Variants in ARHGAP15 observed in about 807,000 individuals in gnomAD.
ARHGAP15 encodes the protein rho GTPase-activating protein 15.
Under a neutral mutation model 63.7 loss-of-function variants are expected in ARHGAP15, and 51 were observed. The ratio of observed to expected loss-of-function variants is 0.80; its 90% CI spans 0.64 to 1.01. The LOEUF (loss-of-function observed/expected upper bound fraction) is 1.01. ARHGAP15 is among the 50% of genes least tolerant of loss of function. ARHGAP15 has a pLI of 0.00. For missense variants in ARHGAP15, 560 were observed against 564.6 expected, an observed-to-expected ratio of 0.99 and a Z score of 0.08; for synonymous variants, 191 against 193.8, an observed-to-expected ratio of 0.99 and a Z score of 0.12.
At chr2:143,253,364 A>G (rs917635801) in intron 6 of ARHGAP15, among the ~76,000 whole-genome samples, 2 of 152,068 alleles carry the variant, frequency 1.3e-5, no homozygotes, top group Admixed American at 6.6e-5. Flanking sequence ...CCAAAAATGG[A>G]CAGATTTCAT....
intron 2 of ARHGAP15, among the ~76,000 whole-genome samples, chr2:143,197,710 GCT>G (rs1367491003): frequency 1.3e-5 from 2 of 151,904 alleles, no homozygotes; most frequent in Non-Finnish European, 2.9e-5. Flanking sequence ...GGTGATGAAA[GCT>G]CTCTTTTTTC....
At chr2:143,539,316 T>G (rs995460894) in intron 10 of ARHGAP15, among the ~76,000 whole-genome samples, 6 of 150,834 alleles carry the variant, frequency 4.0e-5, no homozygotes, top group South Asian at 2.1e-4. Flanking sequence ...TTTGTTGATC[T>G]TTTCAAAAAA....
chr2:143,395,334 A>T (rs1395993931), intron 6 of ARHGAP15, among the ~76,000 whole-genome samples: 2 of 152,134 alleles, frequency 1.3e-5, no homozygotes, highest in African/African-American at 4.8e-5. Flanking sequence ...GAAATGTTCC[A>T]GCCCCTCTTA....
chr2:143,675,946 C>T (rs917694078), intron 12 of ARHGAP15, among the ~76,000 whole-genome samples: 3 of 152,160 alleles, frequency 2.0e-5, no homozygotes, highest in Non-Finnish European at 2.9e-5. Context: ...TAACATAACA[C>T]GTTTCATCTC....
intron 6 of ARHGAP15, among the ~76,000 whole-genome samples, chr2:143,338,029 A>G (rs1425713519): frequency 2.6e-5 from 4 of 152,176 alleles, no homozygotes; most frequent in Admixed American, 6.5e-5. Context: ...ACAATAATAA[A>G]CACTTACTGA....
chr2:143,460,846 C>T (rs953540309), intron 8 of ARHGAP15, among the ~76,000 whole-genome samples: 1 of 152,114 alleles, frequency 6.6e-6, no homozygotes, highest in East Asian at 1.9e-4. Flanking sequence ...CTTCCAGGGG[C>T]AGTTTCACCA....
intron 6 of ARHGAP15, among the ~76,000 whole-genome samples, chr2:143,354,652 T>C (rs1685729762): frequency 6.6e-6 from 1 of 152,096 alleles, no homozygotes; most frequent in African/African-American, 2.4e-5. Flanking sequence ...TTATTTAAAT[T>C]AGGAGGTGTT....
intron 8 of ARHGAP15, among the ~76,000 whole-genome samples, chr2:143,459,940 T>C (rs1690858008): frequency 6.6e-6 from 1 of 152,150 alleles, no homozygotes. Flanking sequence ...ACTTGTTTGA[T>C]ATGAAGTATT....
intron 6 of ARHGAP15, among the ~76,000 whole-genome samples, chr2:143,432,564 T>A (rs1463580082): frequency 1.3e-5 from 2 of 152,054 alleles, no homozygotes; most frequent in African/African-American, 4.8e-5. Context: ...TAAGCCCACG[T>A]GAAAACTATT....
intron 5 of ARHGAP15, among the ~76,000 whole-genome samples, chr2:143,243,228 C>T (rs1693928358): frequency 6.6e-6 from 1 of 152,072 alleles, no homozygotes; most frequent in Non-Finnish European, 1.5e-5. Context: ...CTTAATCCCA[C>T]AGGTTTAATC....
At chr2:143,570,290 C>T (rs148253109) in intron 11 of ARHGAP15, among the ~76,000 whole-genome samples, 5,781 of 152,266 alleles carry the variant, frequency 0.038, 158 homozygotes, top group South Asian at 0.069. Flanking sequence ...GAACCTCCCC[C>T]CAAACCACAA....
chr2:143,504,839 G>A (rs1341063161), intron 9 of ARHGAP15, among the ~76,000 whole-genome samples: 3 of 152,214 alleles, frequency 2.0e-5, no homozygotes, highest in African/African-American at 7.2e-5. Context: ...TACTGGCCAG[G>A]GCTCCTGAGC....
At chr2:143,391,927 G>A (rs1687553168) in intron 6 of ARHGAP15, among the ~76,000 whole-genome samples, 1 of 152,134 alleles carries the variant, frequency 6.6e-6, no homozygotes, top group East Asian at 1.9e-4. Context: ...GGTTATTCTT[G>A]TGGTACTTCA....
intron 6 of ARHGAP15, among the ~76,000 whole-genome samples, chr2:143,302,080 T>A (rs1342492471): frequency 1.3e-5 from 2 of 151,924 alleles, no homozygotes; most frequent in Non-Finnish European, 2.9e-5. Flanking sequence ...CTTGAATGAG[T>A]TTTTAATTTC....
chr2:143,207,219 C>A (rs1692364111), intron 3 of ARHGAP15, among the ~76,000 whole-genome samples: 1 of 151,846 alleles, frequency 6.6e-6, no homozygotes, highest in Non-Finnish European at 1.5e-5. Flanking sequence ...GGTTTCTCTG[C>A]AGCCTCAGTT....
Position 143,250,458 on chromosome 2 carries a change from A to T in ARHGAP15, c.385-53A>T, listed in dbSNP as rs2104977175. The T allele has an allele frequency of 2.2e-6, 3 of 1,349,464 alleles. No homozygotes were observed. The South Asian group carries it at 3.6e-5, about 16-fold the overall frequency. The allele number at this position is 1,349,464 out of a possible 1,614,324, so 83.6% of individuals were successfully genotyped here. The stretch of plus-strand genomic sequence containing the variant: ...CTCAATAAACTCCTATTTCTCTGAC[A>T]TCTATCTACAGTGTTGCATCCTCTT... On this transcript the variant is annotated intron_variant, in intron 5 of 13. Coordinates refer to ENST00000295095, the MANE Select transcript of ARHGAP15 (RefSeq NM_018460.4).
At chr2:143,319,433 G>T (rs1469292590) in intron 6 of ARHGAP15, among the ~76,000 whole-genome samples, 1 of 151,958 alleles carries the variant, frequency 6.6e-6, no homozygotes, top group Non-Finnish European at 1.5e-5. Context: ...TGTTAGCCAG[G>T]CTGGTCTCGA....
chr2:143,382,050 T>C (rs956492861), intron 6 of ARHGAP15, among the ~76,000 whole-genome samples: 6 of 151,862 alleles, frequency 4.0e-5, no homozygotes, highest in Non-Finnish European at 7.4e-5. Context: ...CCTTCTTTCC[T>C]TTCTTGCTTC....
At chr2:143,682,476 TTACATATA>T (rs1224991195) in intron 12 of ARHGAP15, among the ~76,000 whole-genome samples, 2 of 152,170 alleles carry the variant, frequency 1.3e-5, no homozygotes, top group Non-Finnish European at 2.9e-5. Flanking sequence ...AAAAACATGA[TTACATATA>T]TACATATATA....
Sources: gnomAD v4.1 joint callset for allele counts (sites outside exome capture counted in the v4.1 genomes callset) on GRCh38, gnomAD v4.1.1 for gene constraint, MANE v1.5 for transcripts, NCBI Gene and HGNC (gene_info 2026-07-23, HGNC 2026-07-21) for gene names.